The following EML6 variants were observed in gnomAD, a reference collection of about 807,000 sequenced individuals.
EML6 encodes the protein echinoderm microtubule-associated protein-like 6.
EML6 carries 154 observed loss-of-function variants against 240.1 expected under a neutral mutation model. The observed-to-expected ratio is 0.64, with a 90% CI of 0.56 to 0.73. The LOEUF (loss-of-function observed/expected upper bound fraction) is 0.73, where lower values mean the gene tolerates loss of function less well. Among genes scored for constraint, EML6 ranks in the 30% least tolerant of loss-of-function variants. The pLI is 0.00. For synonymous variants in EML6, 1,148 were observed against 899.0 expected, an observed-to-expected ratio of 1.28 and a Z score of -4.95; for missense variants, 2,964 against 2,474.6, an observed-to-expected ratio of 1.20 and a Z score of -4.20.
intron 12 of EML6, among the ~76,000 whole-genome samples, chr2:54,862,338 TAAAAAAAAAAA>T (rs35834327): frequency 5.3e-5 from 2 of 37,698 alleles, no homozygotes; most frequent in Non-Finnish European, 9.4e-5. Flanking sequence ...ACTCCATCTC[TAAAAAAAAAAA>T]AAAAAAAAAA....
Position 54,895,027 on chromosome 2 carries a change from G to T in EML6, c.2854+1G>T. 6.5e-7 allele frequency: 1 copy of T among 1,542,620 alleles called. No homozygotes were observed. The highest frequency in any genetic ancestry group is 1.2e-5 in the South Asian group (1 of 83,874). The stretch of plus-strand genomic sequence containing the variant: ...TCAGCATTGTCGACTAGCTCAAAAG[G>T]TGCCACTCCCAAACATGTAATAGAG... On this transcript the variant is annotated splice_donor_variant, in intron 20 of 41. Coordinates refer to ENST00000356458, the MANE Select transcript of EML6 (RefSeq NM_001039753.4). LOFTEE classifies it high-confidence loss of function.
chr2:54,933,454 G>T (rs1417108787), intron 28 of EML6, among the ~76,000 whole-genome samples: 4 of 152,120 alleles, frequency 2.6e-5, no homozygotes, highest in Non-Finnish European at 5.9e-5. Flanking sequence ...CTATATATAG[G>T]CCAGGCACGG....
intron 2 of EML6, among the ~76,000 whole-genome samples, chr2:54,802,740 G>C (rs946514021): frequency 1.3e-5 from 2 of 151,684 alleles, no homozygotes; most frequent in Non-Finnish European, 2.9e-5. Context: ...TTTACTTATG[G>C]CTACTATTTG....
chr2:54,811,224 A>G (rs1667826586), intron 2 of EML6, among the ~76,000 whole-genome samples: 1 of 152,100 alleles, frequency 6.6e-6, no homozygotes. Flanking sequence ...ACCTTCCTAA[A>G]TTATGGAACT....
intron 2 of EML6, among the ~76,000 whole-genome samples, chr2:54,783,874 G>A (rs1668959817): frequency 6.6e-6 from 1 of 152,046 alleles, no homozygotes; most frequent in African/African-American, 2.4e-5. Context: ...GTTAATATAG[G>A]TAAATCCACA....
intron 28 of EML6, among the ~76,000 whole-genome samples, chr2:54,929,054 A>C (rs1674716521): frequency 1.3e-5 from 2 of 152,340 alleles, no homozygotes; most frequent in Non-Finnish European, 2.9e-5. Flanking sequence ...GCCCCAAAGC[A>C]GTCCTGACTG....
At position 54,727,191 on chromosome 2, in the gene EML6, G is replaced by GCACAAACCACAATGC. The variant is rs1553366711; in HGVS notation, c.197+1933_197+1934insCACAAACCACAATGC. Reference sequence around the variant, plus strand: ...GCCTTAACTGATGAAGGGAAAAAGAGACAGTTAGCATCTGATCTATTCATT... The same window carrying GCACAAACCACAATGC: ...GCCTTAACTGATGAAGGGAAAAAGAGCACAAACCACAATGCACAGTTAGCATCTGATCTATTCATT... On this transcript the variant is annotated intron_variant, in intron 2 of 41. Coordinates refer to ENST00000356458, the MANE Select transcript of EML6 (RefSeq NM_001039753.4). Among the ~76,000 whole-genome samples, 218 of 149,756 alleles carry GCACAAACCACAATGC rather than the reference G, an allele frequency of 1.5e-3. 8 individuals are homozygous for GCACAAACCACAATGC. The highest frequency in any genetic ancestry group is 3.1e-3 in the Admixed American group (45 of 14,514).
rs530060934 is a variant in EML6, at chr2:54,938,823, T to C, written c.4005-10059T>C. On this transcript the variant is annotated intron_variant, in intron 28 of 41. Transcript: ENST00000356458. ...GTTTTGCCAAGTCTGAGATTGGCAC[T>C]GGGGAAAATTGCCTTTCTGAGGGCT... is the stretch of plus-strand genomic sequence containing the variant. Among the ~76,000 whole-genome samples the C allele has an allele frequency of 7.9e-5, 12 of 152,328 alleles. 1 individual carries two copies. The East Asian group carries it at 2.3e-3, about 29-fold the overall frequency.
chr2:54,930,375 A>G (rs1053027172), intron 28 of EML6, among the ~76,000 whole-genome samples: 1 of 152,170 alleles, frequency 6.6e-6, no homozygotes, highest in Non-Finnish European at 1.5e-5. Context: ...TGCCAAACTT[A>G]ATGAAAGGTA....
chr2:54,931,986 T>A (rs1674888403), intron 28 of EML6, among the ~76,000 whole-genome samples: 1 of 152,246 alleles, frequency 6.6e-6, no homozygotes, highest in Non-Finnish European at 1.5e-5. Flanking sequence ...GTGGATTGTT[T>A]CTAATTAGAC....
intron 12 of EML6, among the ~76,000 whole-genome samples, chr2:54,862,809 G>A (rs576602959): frequency 1.3e-5 from 2 of 152,326 alleles, no homozygotes; most frequent in Admixed American, 6.5e-5. Context: ...AAAACCATCA[G>A]CAGATTTCCC....
chr2:54,918,671 G>C (rs747502068), intron 26 of EML6, among the ~76,000 whole-genome samples: 1 of 152,076 alleles, frequency 6.6e-6, no homozygotes, highest in Non-Finnish European at 1.5e-5. Flanking sequence ...TAATCTACAC[G>C]TTGTAACAAT....
chr2:54,887,970 C>T (rs1241605725), intron 17 of EML6, among the ~76,000 whole-genome samples: 4 of 152,226 alleles, frequency 2.6e-5, no homozygotes, highest in African/African-American at 7.2e-5. Context: ...TTTGTACATT[C>T]TGCGAGTTTT....
intron 2 of EML6, among the ~76,000 whole-genome samples, chr2:54,753,653 C>A (rs1684271043): frequency 1.4e-5 from 2 of 145,796 alleles, no homozygotes; most frequent in South Asian, 4.4e-4. Context: ...AGTAAGAATG[C>A]AGTCCTGAGT....
At position 54,871,526 on chromosome 2, in the gene EML6, G is replaced by T; in HGVS notation, c.2265G>T (p.Val755=). The T allele has an allele frequency of 6.4e-7, 1 of 1,551,756 alleles. No homozygotes were observed. Among genetic ancestry groups the T allele is most frequent in the Non-Finnish European group, 8.7e-7 (1 of 1,146,920 alleles). ...GQVGRDAAIH[V]WDTQTLKCLS... ...TTGGAAGAGATGCTGCTATTCATGT[G>T]TGGGACACACAAACTCTAAAATGTT... Residue 755 remains valine (V), a synonymous_variant, in exon 16 of 42, where the codon GTG becomes GTT. Coordinates refer to ENST00000356458, the MANE Select transcript of EML6 (RefSeq NM_001039753.4).
intron 2 of EML6, among the ~76,000 whole-genome samples, chr2:54,794,738 C>G (rs969338183): frequency 6.6e-6 from 1 of 152,180 alleles, no homozygotes; most frequent in Non-Finnish European, 1.5e-5. Context: ...CCTAAGCATT[C>G]TTAAACAAGT....
At chr2:54,870,305 G>A (rs1474492085) in intron 15 of EML6, among the ~76,000 whole-genome samples, 3 of 149,842 alleles carry the variant, frequency 2.0e-5, no homozygotes, top group East Asian at 1.9e-4. Context: ...GGGGGAAAAA[G>A]GATCCATAGC....
At chr2:54,740,540 A>G (rs1683584254) in intron 2 of EML6, among the ~76,000 whole-genome samples, 1 of 152,184 alleles carries the variant, frequency 6.6e-6, no homozygotes, top group South Asian at 2.1e-4. Flanking sequence ...TCTGGGTTTT[A>G]AGCTTTCTGT....
intron 28 of EML6, among the ~76,000 whole-genome samples, chr2:54,935,944 C>A (rs1021145396): frequency 2.6e-5 from 4 of 152,144 alleles, no homozygotes; most frequent in Admixed American, 6.5e-5. Context: ...GTGAGAGGAT[C>A]CCTTGAGGCC....
Sources: gnomAD v4.1 joint callset for allele counts (sites outside exome capture counted in the v4.1 genomes callset) on GRCh38, gnomAD v4.1.1 for gene constraint, MANE v1.5 for transcripts, NCBI Gene and HGNC (gene_info 2026-07-23, HGNC 2026-07-21) for gene names.